IQCH: variants seen among roughly 807,000 people sequenced by gnomAD.
IQCH encodes the protein IQ domain-containing protein H.
A neutral mutation model predicts 117.0 loss-of-function variants in IQCH; 98 were observed. That is an observed-to-expected ratio of 0.84 (90% CI 0.71 to 0.99). IQCH has a LOEUF of 0.99. Among genes scored for constraint, IQCH ranks in the 50% least tolerant of loss-of-function variants. The pLI is 0.00. For missense variants in IQCH, 1,102 were observed against 1,243.8 expected (o/e 0.89, Z 1.72); for synonymous variants, 412 against 448.2 (o/e 0.92, Z 1.02).
chr15:67,320,206 T>A (rs1596172516), intron 4 of IQCH, among the ~76,000 whole-genome samples: 1 of 152,236 alleles, frequency 6.6e-6, no homozygotes, highest in South Asian at 2.1e-4. Flanking sequence ...ACCCAACTGC[T>A]GGGATGAGGT....
At chr15:67,339,112 C>G (rs1308305120) in intron 5 of IQCH, among the ~76,000 whole-genome samples, 1 of 152,086 alleles carries the variant, frequency 6.6e-6, no homozygotes, top group East Asian at 1.9e-4. Context: ...CCACTGCATC[C>G]CCAGCCCCCA....
chr15:67,475,019 G>A lies in IQCH; in HGVS notation c.2677-677G>A, dbSNP rs1843211142. Among the ~76,000 whole-genome samples the A allele has an allele frequency of 6.6e-6, 1 of 152,156 alleles. No individual in the cohort carries two copies. Among genetic ancestry groups the A allele is most frequent in the South Asian group, 2.1e-4 (1 of 4,822 alleles). On this transcript the variant is annotated intron_variant, in intron 17 of 20. Coordinates refer to ENST00000335894, the MANE Select transcript of IQCH (RefSeq NM_001031715.3). The surrounding 1 kb of genome is among the most constrained non-coding windows in gnomAD (Gnocchi z 5.7). The stretch of plus-strand genomic sequence containing the variant: ...GCCCATTACTCCTCGGAACTGTTAA[G>A]ATCATCAAACCACAGGGAAAGTCTG...
At chr15:67,292,866 T>C (rs1213406577) in intron 4 of IQCH, among the ~76,000 whole-genome samples, 4 of 152,208 alleles carry the variant, frequency 2.6e-5, no homozygotes, top group African/African-American at 9.6e-5. Context: ...CAAATGACTT[T>C]TACTCCTCTC....
At chr15:67,353,789 T>C in intron 6 of IQCH, among the ~76,000 whole-genome samples, 1 of 152,184 alleles carries the variant, frequency 6.6e-6, no homozygotes, top group East Asian at 1.9e-4. Context: ...ACAGTAGAAT[T>C]TTTAAAAAAT....
At chr15:67,418,718 C>T (rs1309402406) in intron 15 of IQCH, among the ~76,000 whole-genome samples, 1 of 151,626 alleles carries the variant, frequency 6.6e-6, no homozygotes, top group Non-Finnish European at 1.5e-5. Context: ...GCTGGGATTA[C>T]AGGTGCATGC....
Position 67,426,982 on chromosome 15 carries a change from CAA to C in IQCH, c.2505+5416_2505+5417del, listed in dbSNP as rs1035804772. ...GCCTGGGCAACAGAGACCCAGTATC[CAA>C]AAAAAAAAAAGAAGAAGAAAATCCC... On this transcript the variant is annotated intron_variant, in intron 16 of 20. Transcript: ENST00000335894. This position sits in a 1 kb window ranked among gnomAD's most constrained non-coding sequence, Gnocchi z 5.1. 1.6e-5 allele frequency among the ~76,000 whole-genome samples: 2 copies of C among 126,378 alleles called. No individual in the cohort carries two copies. Among genetic ancestry groups the C allele is most frequent in the Admixed American group, 8.1e-5 (1 of 12,286 alleles). The allele number at this position is 126,378 out of a possible 152,430, so 82.9% of individuals were successfully genotyped here.
intron 4 of IQCH, among the ~76,000 whole-genome samples, chr15:67,310,743 T>A (rs547831789): frequency 1.2e-4 from 19 of 152,282 alleles, no homozygotes; most frequent in African/African-American, 4.6e-4. Flanking sequence ...AGTGCAAGGT[T>A]GCAATGTTAT....
intron 7 of IQCH, among the ~76,000 whole-genome samples, chr15:67,358,156 G>A (rs958468022): frequency 1.6e-5 from 1 of 61,012 alleles, no homozygotes; most frequent in East Asian, 4.5e-4. Flanking sequence ...ACCACGCCTG[G>A]CCTTTTTTTT....
At chr15:67,444,468 C>T (rs1361323647) in intron 16 of IQCH, among the ~76,000 whole-genome samples, 1 of 152,092 alleles carries the variant, frequency 6.6e-6, no homozygotes, top group African/African-American at 2.4e-5. Flanking sequence ...CTTTCTCCCC[C>T]ATAATAATTT....
intron 4 of IQCH, among the ~76,000 whole-genome samples, chr15:67,307,893 C>A (rs758526052): frequency 3.9e-5 from 6 of 152,024 alleles, no homozygotes; most frequent in Non-Finnish European, 5.9e-5. Flanking sequence ...TTTGAAAGGT[C>A]GCCATTTGTT....
chr15:67,276,036 G>T (rs1166985320), intron 3 of IQCH, among the ~76,000 whole-genome samples: 1 of 152,036 alleles, frequency 6.6e-6, no homozygotes, highest in African/African-American at 2.4e-5. Flanking sequence ...AACAGTAAAA[G>T]AATTATTAAA....
intron 3 of IQCH, among the ~76,000 whole-genome samples, chr15:67,267,507 A>C (rs1965725107): frequency 6.6e-6 from 1 of 152,202 alleles, no homozygotes; most frequent in African/African-American, 2.4e-5. Flanking sequence ...TTGGTCCTGG[A>C]AATTCTACTA....
rs1411282545 is a variant in IQCH at position 67,366,926 on chromosome 15, G to T, written c.754-5185G>T. 6.6e-6 allele frequency among the ~76,000 whole-genome samples: 1 copy of T among 152,098 alleles called. No homozygotes were observed. Among genetic ancestry groups the T allele is most frequent in the South Asian group, 2.1e-4 (1 of 4,824 alleles). The stretch of plus-strand genomic sequence containing the variant: ...AAAAATCCCCCAGGTTTTTTTCATG[G>T]TGCATAAAGTGATGCCATTGGAGAT... On this transcript the variant is annotated intron_variant, in intron 8 of 20. Transcript: ENST00000335894. This position sits in a 1 kb window ranked among gnomAD's most constrained non-coding sequence, Gnocchi z 4.4.
At position 67,404,534 on chromosome 15, in the gene IQCH, A is replaced by G. The variant is rs1043603181; in HGVS notation, c.2097+4229A>G. Reference sequence around the variant, plus strand: ...AGATAACAAGATTAAAAAAAATTTAAAAGTACATAATCACTGTCCCCAAAC... The same window carrying G: ...AGATAACAAGATTAAAAAAAATTTAGAAGTACATAATCACTGTCCCCAAAC... On this transcript the variant is annotated intron_variant, in intron 14 of 20. Transcript: ENST00000335894. The surrounding 1 kb of genome is among the most constrained non-coding windows in gnomAD (Gnocchi z 4.6). 31 of 152,320 alleles carry G rather than the reference A, an allele frequency of 2.0e-4. No homozygotes were observed. Among genetic ancestry groups the G allele is most frequent in the African/African-American group, 7.5e-4 (31 of 41,560 alleles). The allele number at this position is 152,320 out of a possible 1,614,324, so 9.4% of individuals were successfully genotyped here. A position where few individuals can be genotyped will look rare whatever the true frequency, so the allele number is the denominator to read the frequency against.
In IQCH at chr15:67,356,741, T is replaced by C. The variant is rs1449373285; in HGVS notation, c.638-604T>C. 6.6e-6 allele frequency among the ~76,000 whole-genome samples: 1 copy of C among 152,234 alleles called. No individual in the cohort carries two copies. Among genetic ancestry groups the C allele is most frequent in the Admixed American group, 6.5e-5 (1 of 15,278 alleles). On this transcript the variant is annotated intron_variant, in intron 6 of 20. Transcript: ENST00000335894. This position sits in a 1 kb window ranked among gnomAD's most constrained non-coding sequence, Gnocchi z 5.3. The stretch of plus-strand genomic sequence containing the variant: ...TTTGGTAAAGGGCAGTCAGGTTTGC[T>C]GCTAGGCAGTAGGAGAGATGTGATT...
At chr15:67,264,895 G>GTA (rs10664761) in intron 3 of IQCH, among the ~76,000 whole-genome samples, 31,205 of 150,780 alleles carry the variant, frequency 0.21, 3,941 homozygotes, top group East Asian at 0.47. Context: ...CCTACCATAT[G>GTA]TATATATATA....
At chr15:67,392,282 G>C (rs890253159) in intron 12 of IQCH, among the ~76,000 whole-genome samples, 2 of 152,116 alleles carry the variant, frequency 1.3e-5, no homozygotes, top group Non-Finnish European at 2.9e-5. Context: ...CAAGGACATC[G>C]TAACTCAAGT....
At chr15:67,293,783 T>A (rs1430236813) in intron 4 of IQCH, among the ~76,000 whole-genome samples, 1 of 152,102 alleles carries the variant, frequency 6.6e-6, no homozygotes, top group Admixed American at 6.6e-5. Context: ...GAGCAAGTCA[T>A]GTGCCTCCTT....
At chr15:67,344,783 A>G (rs180959503) in intron 6 of IQCH, among the ~76,000 whole-genome samples, 2 of 152,332 alleles carry the variant, frequency 1.3e-5, no homozygotes, top group African/African-American at 4.8e-5. Flanking sequence ...GAACAGTCCA[A>G]AGTGAAGGCT....
Sources: allele counts gnomAD v4.1 joint callset (sites outside exome capture counted in the v4.1 genomes callset), GRCh38; gene constraint gnomAD v4.1.1; non-coding constraint Gnocchi (gnomAD v3.1); transcripts MANE v1.5; gene names NCBI Gene and HGNC (gene_info 2026-07-23, HGNC 2026-07-21).